The following COL12A1 variants were observed in gnomAD, a reference collection of about 807,000 sequenced individuals.
The protein encoded by COL12A1 is collagen alpha-1(XII) chain.
A neutral mutation model predicts 349.7 loss-of-function variants in COL12A1; 114 were observed. The ratio of observed to expected loss-of-function variants is 0.33; its 90% confidence interval spans 0.28 to 0.38. COL12A1 has a LOEUF of 0.38. Ranked by LOEUF, COL12A1 falls within the 10% of genes least tolerant of loss-of-function variation. The pLI is 1.00. For missense variants in COL12A1, 3,284 were observed against 3,756.9 expected (o/e 0.87, Z 3.29); for synonymous variants, 1,369 against 1,329.0 (o/e 1.03, Z -0.66).
intron 23 of COL12A1, 34 bp downstream of exon 23, chr6:75,147,641 A>C: frequency 6.4e-7 from 1 of 1,569,052 alleles, no homozygotes; most frequent in Non-Finnish European, 8.6e-7. Flanking sequence ...TTGGAAAAGA[A>C]AGCAATGAGA....
At chr6:75,134,153 T>C (rs565954809) in intron 32 of COL12A1, among the ~76,000 whole-genome samples, 156 bp from the exon 33 acceptor site, 2 of 152,320 alleles carry the variant, frequency 1.3e-5, no homozygotes, top group East Asian at 3.9e-4. Context: ...TGTGTCCGCG[T>C]CAGCCTGATG....
intron 10 of COL12A1, among the ~76,000 whole-genome samples, chr6:75,182,363 C>T (rs187921015): frequency 2.6e-5 from 4 of 151,992 alleles, no homozygotes; most frequent in South Asian, 2.1e-4. Flanking sequence ...CTCCCCCAGC[C>T]CCCCCACCTT....
intron 52 of COL12A1, among the ~76,000 whole-genome samples, chr6:75,108,317 G>C (rs1456741628): frequency 1.3e-5 from 2 of 152,050 alleles, no homozygotes; most frequent in South Asian, 4.2e-4. Context: ...TGAACTCCTG[G>C]CCTTAAGTAA....
Position 75,085,407 on chromosome 6 carries a change from C to CGCACAT in COL12A1, c.*1139_*1140insATGTGC, listed in dbSNP as rs1767441486. 7.2e-6 allele frequency: 2 copies of CGCACAT among 276,980 alleles called. No homozygotes were observed. The highest frequency in any genetic ancestry group is 1.2e-4 in the African/African-American group (1 of 8,514). 17.2% of individuals were successfully genotyped at this position (276,980 alleles called of 1,614,324 possible). On this transcript the variant is annotated 3_prime_UTR_variant, in exon 66 of 66. Coordinates refer to ENST00000322507, the MANE Select transcript of COL12A1 (RefSeq NM_004370.6). ...TACAATTATGGCATGATTTGGAAGG[C>CGCACAT]ACACACACACACACACAGCAAAAGC...
At chr6:75,187,978 T>C (rs1167516977) in intron 8 of COL12A1, among the ~76,000 whole-genome samples, 1 of 152,152 alleles carries the variant, frequency 6.6e-6, no homozygotes, top group African/African-American at 2.4e-5. Context: ...ATTGTTATTA[T>C]TTTAAGTTGC....
intron 1 of COL12A1, 33 bp downstream of exon 1, chr6:75,205,744 G>A (rs1315338047): frequency 6.5e-6 from 1 of 154,358 alleles, no homozygotes; most frequent in Admixed American, 6.5e-5. Context: ...GGAATGATGG[G>A]GGTAGGGGAA....
At chr6:75,196,468 T>C (rs1199486079) in intron 2 of COL12A1, among the ~76,000 whole-genome samples, 1 of 152,210 alleles carries the variant, frequency 6.6e-6, no homozygotes, top group Non-Finnish European at 1.5e-5. Flanking sequence ...CGTCCAACTG[T>C]AGGAGATGGC....
chr6:75,177,595 G>A (rs1769029096), intron 12 of COL12A1, 68 bp downstream of exon 12: 2 of 1,577,906 alleles, frequency 1.3e-6, no homozygotes, highest in East Asian at 2.2e-5. Context: ...TATCTGGATA[G>A]TTGTCCCAAT....
chr6:75,141,556 T>C (rs1402371059), intron 27 of COL12A1, among the ~76,000 whole-genome samples: 1 of 152,230 alleles, frequency 6.6e-6, no homozygotes, highest in Non-Finnish European at 1.5e-5. Context: ...CTACCTTACA[T>C]GATCCCATGT....
chr6:75,117,997 T>C (rs954242198), intron 46 of COL12A1, among the ~76,000 whole-genome samples: 2 of 152,064 alleles, frequency 1.3e-5, no homozygotes, highest in Non-Finnish European at 2.9e-5. Context: ...ATCTTGAAAA[T>C]GGAATCTACA....
intron 44 of COL12A1, 54 bp from the exon 45 acceptor site, chr6:75,119,527 A>T (rs1769251680): frequency 6.5e-7 from 1 of 1,548,822 alleles, no homozygotes; most frequent in Admixed American, 1.9e-5. Context: ...TTTATGTTTC[A>T]ATCTTCAAAT....
chr6:75,149,732 T>C (rs974536288), intron 21 of COL12A1, among the ~76,000 whole-genome samples: 1 of 152,146 alleles, frequency 6.6e-6, no homozygotes, highest in South Asian at 2.1e-4. Flanking sequence ...ATTCTTAGTA[T>C]CTTAACTTTT....
intron 27 of COL12A1, 106 bp from the exon 28 acceptor site, chr6:75,139,067 T>C: frequency 6.1e-6 from 8 of 1,307,950 alleles, no homozygotes; most frequent in Admixed American, 2.1e-5. Context: ...ATCTGAAAAC[T>C]GATTGAATAC....
rs753960031 is a variant in COL12A1, at chr6:75,085,338, T to C, written c.*1209A>G. The stretch of plus-strand genomic sequence containing the variant: ...GATGAAGGGCTCGCGCTCAGGCAGG[T>C]AGGCCCCGCCCTCGGGCACGTAAGG... On this transcript the variant is annotated 3_prime_UTR_variant, in exon 66 of 66. Transcript: ENST00000322507. 2 of 470,922 alleles carry C rather than the reference T, an allele frequency of 4.2e-6. No homozygotes were observed. Among genetic ancestry groups the C allele is most frequent in the Non-Finnish European group, 8.8e-6 (2 of 227,026 alleles). 29.2% of individuals were successfully genotyped at this position (470,922 alleles called of 1,614,324 possible).
intron 51 of COL12A1, among the ~76,000 whole-genome samples, chr6:75,112,559 G>C (rs1407764915): frequency 6.6e-6 from 1 of 151,410 alleles, no homozygotes; most frequent in Non-Finnish European, 1.5e-5. Context: ...ACAGAAAATT[G>C]ATTAAGATGA....
intron 17 of COL12A1, among the ~76,000 whole-genome samples, chr6:75,152,731 T>C (rs367997910): frequency 6.6e-6 from 1 of 152,162 alleles, no homozygotes. Flanking sequence ...TATCTTTGAC[T>C]CGATTTCCTG....
At chr6:75,186,344 G>T (rs1323790751) in intron 8 of COL12A1, among the ~76,000 whole-genome samples, 1 of 152,170 alleles carries the variant, frequency 6.6e-6, no homozygotes, top group Non-Finnish European at 1.5e-5. Context: ...AGACATCCAT[G>T]TGGTCAACAA....
chr6:75,120,365 G>C (rs1048663845), intron 44 of COL12A1, among the ~76,000 whole-genome samples: 1 of 152,136 alleles, frequency 6.6e-6, no homozygotes, highest in East Asian at 1.9e-4. Context: ...TGATGAAATT[G>C]TTTGTGGTTT....
rs1377054851 is a variant in COL12A1 at position 75,183,194 on chromosome 6, C to G, written c.1747G>C (p.Glu583Gln). 6.2e-7 allele frequency: 1 copy of G among 1,614,068 alleles called. No individual in the cohort carries two copies. Among genetic ancestry groups the G allele is most frequent in the Non-Finnish European group, 8.5e-7 (1 of 1,180,048 alleles). ...AVGVKDAVRSELEAIASPPAE... is the reference protein window; with the variant it reads ...AVGVKDAVRSQLEAIASPPAE... ...GGAGGAGAGGCAATAGCTTCCAATT[C>G]TGAGCGAACGGCATCCTTCACACCA... is the stretch of plus-strand genomic sequence containing the variant. The change falls in exon 10 of 66, where the codon GAA (glutamate) becomes CAA (glutamine). Residue 583 changes from glutamate (E) to glutamine (Q), a missense_variant. By Grantham distance (29) the Glu-to-Gln change is conservative (BLOSUM62 2). Around this residue, in one of 2 missense-constraint regions of COL12A1, gnomAD observed 2,601 missense variants for 2,824.8 expected, o/e 0.92. Transcript: ENST00000322507.
Sources: allele counts gnomAD v4.1 joint callset (sites outside exome capture counted in the v4.1 genomes callset), GRCh38; gene constraint gnomAD v4.1.1; regional missense constraint gnomAD v4.1.1; transcripts MANE v1.5; gene names NCBI Gene and HGNC (gene_info 2026-07-23, HGNC 2026-07-21).